The following LRRN3 variants were observed in gnomAD, a reference collection of about 807,000 sequenced individuals.
LRRN3 encodes leucine rich repeat neuronal 3.
In LRRN3, 15 loss-of-function variants were observed where a neutral mutation model predicts 40.1. The observed-to-expected ratio is 0.37, with a 90% CI of 0.25 to 0.58. LRRN3 has a LOEUF of 0.58. LRRN3 is among the 20% of genes least tolerant of loss of function. LRRN3 has a pLI of 0.72. For synonymous variants in LRRN3, 308 were observed against 297.2 expected, an observed-to-expected ratio of 1.04 and a Z score of -0.37; for missense variants, 746 against 837.7, an observed-to-expected ratio of 0.89 and a Z score of 1.35.
At chr7:111,095,337 A>G (rs1797292593) in intron 1 of LRRN3, among the ~76,000 whole-genome samples, 1 of 151,932 alleles carries the variant, frequency 6.6e-6, no homozygotes, top group Non-Finnish European at 1.5e-5. Flanking sequence ...AACCCCTTAC[A>G]ATACTTCCTC....
intron 2 of LRRN3, among the ~76,000 whole-genome samples, chr7:111,103,985 A>G (rs1798261494): frequency 6.6e-6 from 1 of 151,628 alleles, no homozygotes; most frequent in Middle Eastern, 3.2e-3. Flanking sequence ...TTTAGGGTTA[A>G]ATGTGGAACA....
At chr7:111,103,211 A>G (rs1397694064) in intron 2 of LRRN3, among the ~76,000 whole-genome samples, 1 of 151,558 alleles carries the variant, frequency 6.6e-6, no homozygotes, top group East Asian at 1.9e-4. Context: ...ATCTCAAAAA[A>G]CCTGTATTAG....
intron 2 of LRRN3, among the ~76,000 whole-genome samples, chr7:111,114,545 G>A (rs1300418184): frequency 6.6e-6 from 1 of 151,938 alleles, no homozygotes; most frequent in Non-Finnish European, 1.5e-5. Flanking sequence ...AGACCAGCCT[G>A]GCCAACATGG....
chr7:111,111,858 T>C (rs767589340), intron 2 of LRRN3, among the ~76,000 whole-genome samples: 38 of 150,880 alleles, frequency 2.5e-4, no homozygotes, highest in Non-Finnish European at 4.4e-4. Context: ...AAAAAATACA[T>C]GCCTTTAAGT....
At chr7:111,092,274 C>A (rs1796952008) in intron 1 of LRRN3, among the ~76,000 whole-genome samples, 1 of 152,200 alleles carries the variant, frequency 6.6e-6, no homozygotes, top group Non-Finnish European at 1.5e-5. Context: ...GAGTTCTAAT[C>A]TTTGGTAATT....
At chr7:111,108,441 T>C (rs1458546984) in intron 2 of LRRN3, among the ~76,000 whole-genome samples, 2 of 152,116 alleles carry the variant, frequency 1.3e-5, no homozygotes, top group African/African-American at 4.8e-5. Flanking sequence ...GTATATATTA[T>C]ACCCCCACTA....
At chr7:111,118,132 A>T (rs1800118198) in intron 2 of LRRN3, among the ~76,000 whole-genome samples, 1 of 152,102 alleles carries the variant, frequency 6.6e-6, no homozygotes. Context: ...TTTTATTGTA[A>T]ATCAAATCTA....
At position 111,124,133 on chromosome 7, in the gene LRRN3, T is replaced by C. The variant is rs1252451609; in HGVS notation, c.1361T>C (p.Ile454Thr). ...CRATAEPQPE[I>T]YWITPSGQKL... ...GCTACTGCAGAACCACAGCCTGAAA[T>C]CTACTGGATAACACCTTCTGGTCAA... is the stretch of plus-strand genomic sequence containing the variant. The change falls in exon 3 of 3, where the codon ATC (isoleucine) becomes ACC (threonine). Residue 454 changes from isoleucine to threonine, a missense_variant. Ile to Thr is a moderately conservative substitution (Grantham distance 89, BLOSUM62 -1). Transcript: ENST00000308478. The C allele has an allele frequency of 2.5e-6, 4 of 1,614,012 alleles. No individual in the cohort carries two copies. Among genetic ancestry groups the C allele is most frequent in the Non-Finnish European group, 3.4e-6 (4 of 1,179,982 alleles).
Position 111,124,340 on chromosome 7 carries a change from G to T in LRRN3, c.1568G>T (p.Gly523Val), listed in dbSNP as rs1801027148. 5 of 1,613,654 alleles carry T rather than the reference G, an allele frequency of 3.1e-6. No homozygotes were observed. Among genetic ancestry groups the T allele is most frequent in the Non-Finnish European group, 3.4e-6 (4 of 1,179,918 alleles). ...GGATCTTTTCCACAAGATAACAATGGCTCTTTGAATATTAAAATAAGAGAT... is the reference window on the plus strand; with the variant it reads ...GGATCTTTTCCACAAGATAACAATGTCTCTTTGAATATTAAAATAAGAGAT... ...VDGSFPQDNN[G>V]SLNIKIRDIQ... Residue 523 changes from glycine (G) to valine (V), a missense_variant, in exon 3 of 3, where the codon GGC (glycine) becomes GTC (valine). By Grantham distance (109) the Gly-to-Val change is moderately radical. Coordinates refer to ENST00000308478, the MANE Select transcript of LRRN3 (RefSeq NM_001099658.2).
In LRRN3 at chr7:111,124,198, C is replaced by T. The variant is rs761144113; in HGVS notation, c.1426C>T (p.His476Tyr). The T allele has an allele frequency of 2.5e-6, 4 of 1,613,782 alleles. No individual in the cohort carries two copies. The East Asian group carries it at 8.9e-5, about 36-fold the overall frequency. ...PNTLTDKFYV[H>Y]SEGTLDINGV... ...TACCCTGACAGACAAGTTCTATGTC[C>T]ATTCTGAGGGAACACTAGATATAAA... is the stretch of plus-strand genomic sequence containing the variant. The change falls in exon 3 of 3, where the codon CAT becomes TAT. Residue 476 changes from histidine to tyrosine, a missense_variant. Coordinates refer to ENST00000308478, the MANE Select transcript of LRRN3 (RefSeq NM_001099658.2).
chr7:111,124,403 G>A lies in LRRN3; in HGVS notation c.1631G>A (p.Ser544Asn). The change falls in exon 3 of 3, where the codon AGT becomes AAT. Residue 544 changes from serine (S) to asparagine (N), a missense_variant. By Grantham distance (46) the Ser-to-Asn change is conservative. Coordinates refer to ENST00000308478, the MANE Select transcript of LRRN3 (RefSeq NM_001099658.2). ...ANSVLVSWKA[S>N]SKILKSSVKW... ...TCAGTTTTGGTGTCCTGGAAAGCAA[G>A]TTCTAAAATTCTCAAATCTAGTGTT... The A allele has an allele frequency of 6.2e-7, 1 of 1,613,776 alleles. No individual in the cohort carries two copies. The highest frequency in any genetic ancestry group is 8.5e-7 in the Non-Finnish European group (1 of 1,179,952).
At chr7:111,116,017 G>A (rs1017341193) in intron 2 of LRRN3, among the ~76,000 whole-genome samples, 4 of 152,090 alleles carry the variant, frequency 2.6e-5, no homozygotes, top group Non-Finnish European at 4.4e-5. Flanking sequence ...TGTAGCACAA[G>A]CCTCAATTCT....
At position 111,116,728 on chromosome 7, in the gene LRRN3, T is replaced by C. The variant is rs77174642; in HGVS notation, c.-358-5687T>C. On this transcript the variant is annotated intron_variant, in intron 2 of 2. Transcript: ENST00000308478. The stretch of plus-strand genomic sequence containing the variant: ...TTCCTTCCACAATACTCAACTGCCT[T>C]ATAATTTCATCTGAGTGAAACTTTA... Among the ~76,000 whole-genome samples the C allele has an allele frequency of 3.9e-3, 593 of 152,282 alleles. 6 individuals carry two copies. The highest frequency in any genetic ancestry group is 0.014 in the African/African-American group (575 of 41,566).
rs147801894 is a variant in LRRN3, at chr7:111,109,294, C to T, written c.-359+9332C>T. Among the ~76,000 whole-genome samples the T allele has an allele frequency of 3.7e-3, 566 of 151,362 alleles. 2 individuals carry two copies. The highest frequency in any genetic ancestry group is 4.6e-3 in the Non-Finnish European group (314 of 67,840). ...TTCAAGTCAGGTTTCCAAGGTATGA[C>T]GGAGGCACATCTCATACAAGAGCAA... On this transcript the variant is annotated intron_variant, in intron 2 of 2. Coordinates refer to ENST00000308478, the MANE Select transcript of LRRN3 (RefSeq NM_001099658.2).
intron 2 of LRRN3, among the ~76,000 whole-genome samples, chr7:111,103,720 T>C (rs1450699842): frequency 2.0e-5 from 3 of 151,704 alleles, no homozygotes; most frequent in African/African-American, 7.2e-5. Context: ...CCACTCTGTA[T>C]GTGTCGGGTG....
At chr7:111,116,751 T>A (rs1375485754) in intron 2 of LRRN3, among the ~76,000 whole-genome samples, 2 of 152,152 alleles carry the variant, frequency 1.3e-5, no homozygotes, top group Non-Finnish European at 2.9e-5. Context: ...GAGTGAAACT[T>A]TATTATCAAA....
intron 1 of LRRN3, among the ~76,000 whole-genome samples, chr7:111,094,459 C>T (rs1330038309): frequency 6.6e-6 from 1 of 152,090 alleles, no homozygotes; most frequent in Non-Finnish European, 1.5e-5. Flanking sequence ...AAACACTAGA[C>T]ATGTGTACAG....
At position 111,124,424 on chromosome 7, in the gene LRRN3, G is replaced by A. The variant is rs138143387; in HGVS notation, c.1652G>A (p.Ser551Asn). 1.4e-5 allele frequency: 23 copies of A among 1,613,768 alleles called. No individual in the cohort carries two copies. Among genetic ancestry groups the A allele is most frequent in the Admixed American group, 3.3e-5 (2 of 59,916 alleles). The change falls in exon 3 of 3, where the codon AGT (serine) becomes AAT (asparagine). Residue 551 changes from serine (S) to asparagine (N), a missense_variant. Physicochemically the swap from Ser to Asn is conservative, Grantham distance 46. Transcript: ENST00000308478. ...GCAAGTTCTAAAATTCTCAAATCTA[G>A]TGTTAAATGGACAGCCTTTGTCAAG... ...WKASSKILKS[S>N]VKWTAFVKTE...
At chr7:111,104,559 C>A (rs141146139) in intron 2 of LRRN3, among the ~76,000 whole-genome samples, 1 of 151,494 alleles carries the variant, frequency 6.6e-6, no homozygotes, top group Non-Finnish European at 1.5e-5. Context: ...AGTATGGTTG[C>A]CAGCAATAGT....
Sources: gnomAD v4.1 joint callset for allele counts (sites outside exome capture counted in the v4.1 genomes callset) on GRCh38, gnomAD v4.1.1 for gene constraint, MANE v1.5 for transcripts, NCBI Gene and HGNC (gene_info 2026-07-23, HGNC 2026-07-21) for gene names.